The following TAFA2 variants were observed in gnomAD, a reference collection of about 807,000 sequenced individuals.
TAFA2 encodes chemokine-like protein TAFA-2.
Under a neutral mutation model 18.8 loss-of-function variants are expected in TAFA2, and 7 were observed. The ratio of observed to expected loss-of-function variants is 0.37; its 90% CI spans 0.21 to 0.70. The LOEUF (loss-of-function observed/expected upper bound fraction) is 0.70, where lower values mean the gene tolerates loss of function less well. Ranked by LOEUF, TAFA2 falls within the 30% of genes least tolerant of loss-of-function variation. The pLI, the probability that TAFA2 is intolerant of heterozygous loss-of-function variation, is 0.53. For missense variants in TAFA2, 122 were observed against 158.1 expected, an observed-to-expected ratio of 0.77 and a Z score of 1.23; for synonymous variants, 60 against 54.2, an observed-to-expected ratio of 1.11 and a Z score of -0.47.
chr12:62,204,308 A>T (rs1166673506), intron 1 of TAFA2, among the ~76,000 whole-genome samples: 1 of 151,932 alleles, frequency 6.6e-6, no homozygotes, highest in African/African-American at 2.4e-5. Context: ...TCTGATGATT[A>T]TGTGTCTTGG....
At chr12:61,983,402 G>A (rs139372200) in intron 1 of TAFA2, among the ~76,000 whole-genome samples, 1,644 of 151,772 alleles carry the variant, frequency 0.011, 32 homozygotes, top group African/African-American at 0.037. Context: ...GTTTTGTTTT[G>A]TTTTGTTTTG....
At chr12:61,767,037 A>T in intron 2 of TAFA2, among the ~76,000 whole-genome samples, 1 of 152,128 alleles carries the variant, frequency 6.6e-6, no homozygotes, top group East Asian at 1.9e-4. Context: ...TCTGTGGGAT[A>T]AAGTTGGTGA....
chr12:61,871,281 C>T (rs1321285761), intron 1 of TAFA2, among the ~76,000 whole-genome samples: 1 of 151,902 alleles, frequency 6.6e-6, no homozygotes, highest in African/African-American at 2.4e-5. Context: ...GAGAAAAACA[C>T]CTAAAGGAAA....
intron 1 of TAFA2, among the ~76,000 whole-genome samples, chr12:61,908,523 G>C (rs1252363920): frequency 1.3e-5 from 2 of 151,950 alleles, no homozygotes; most frequent in Non-Finnish European, 2.9e-5. Flanking sequence ...CCATCTCTCA[G>C]GTATGTCTTT....
At chr12:61,757,897 G>A (rs10877736) in intron 2 of TAFA2, among the ~76,000 whole-genome samples, 46,316 of 151,884 alleles carry the variant, frequency 0.3, 7,344 homozygotes, top group South Asian at 0.38. Flanking sequence ...CCGAGTACCT[G>A]GATTCGAATC....
intron 1 of TAFA2, chr12:61,879,555 G>A: frequency 1.4e-6 from 1 of 735,142 alleles, no homozygotes; most frequent in Non-Finnish European, 2.5e-6. Flanking sequence ...TTAACCTGGA[G>A]GTGGACCCCA....
intron 1 of TAFA2, among the ~76,000 whole-genome samples, chr12:62,098,420 C>T (rs150195808): frequency 0.017 from 2,551 of 152,224 alleles, 60 homozygotes; most frequent in African/African-American, 0.057. Flanking sequence ...AATTCCTAAG[C>T]TTGGGCTGCA....
At chr12:62,101,016 C>T (rs1208885891) in intron 1 of TAFA2, among the ~76,000 whole-genome samples, 2 of 152,160 alleles carry the variant, frequency 1.3e-5, no homozygotes, top group Non-Finnish European at 2.9e-5. Flanking sequence ...TACCTTAAAA[C>T]ATACCCATAC....
At chr12:61,892,697 G>A (rs1291456352) in intron 1 of TAFA2, among the ~76,000 whole-genome samples, 5 of 152,068 alleles carry the variant, frequency 3.3e-5, no homozygotes. Context: ...GTATTACCTG[G>A]GTATGGTGGC....
intron 1 of TAFA2, among the ~76,000 whole-genome samples, chr12:62,086,216 G>T (rs1031604556): frequency 1.3e-5 from 2 of 150,846 alleles, no homozygotes; most frequent in Admixed American, 6.6e-5. Context: ...ACAGGAAAAA[G>T]CATCATGACA....
chr12:62,046,899 TA>T (rs1382207897), intron 1 of TAFA2, among the ~76,000 whole-genome samples: 2 of 152,108 alleles, frequency 1.3e-5, no homozygotes, highest in Non-Finnish European at 2.9e-5. Flanking sequence ...TTTTTATTAT[TA>T]TTTTTTATCT....
chr12:61,711,945 G>T (rs1425818211), intron 4 of TAFA2, among the ~76,000 whole-genome samples: 3 of 152,058 alleles, frequency 2.0e-5, no homozygotes, highest in Non-Finnish European at 4.4e-5. Context: ...CCATTCAGGA[G>T]TCATCATATA....
At chr12:62,223,133 G>C (rs971422212) in intron 1 of TAFA2, among the ~76,000 whole-genome samples, 1 of 152,108 alleles carries the variant, frequency 6.6e-6, no homozygotes, top group African/African-American at 2.4e-5. Flanking sequence ...TAGGCAAGCT[G>C]ATTCTAAGTT....
intron 1 of TAFA2, among the ~76,000 whole-genome samples, chr12:61,944,930 AG>A (rs1878202104): frequency 7.2e-6 from 1 of 139,710 alleles, no homozygotes; most frequent in Non-Finnish European, 1.5e-5. Flanking sequence ...ATAGAAAAAG[AG>A]GGAATCCTCC....
intron 2 of TAFA2, among the ~76,000 whole-genome samples, chr12:61,781,498 T>G (rs1340674467): frequency 6.6e-6 from 1 of 151,816 alleles, no homozygotes; most frequent in African/African-American, 2.4e-5. Context: ...ATCACCGTAC[T>G]TGAAATCTGA....
At chr12:62,133,197 A>T (rs995766205) in intron 1 of TAFA2, among the ~76,000 whole-genome samples, 5 of 151,958 alleles carry the variant, frequency 3.3e-5, no homozygotes, top group Admixed American at 6.6e-5. Flanking sequence ...CACATTCCCA[A>T]ATGTTGGTAT....
chr12:62,135,722 C>T (rs1022143368), intron 1 of TAFA2: 1 of 151,822 alleles, frequency 6.6e-6, no homozygotes, highest in African/African-American at 2.4e-5. Context: ...ATCATCAGCT[C>T]AATTAAGTTA....
intron 1 of TAFA2, among the ~76,000 whole-genome samples, chr12:62,105,183 C>T (rs1869393183): frequency 6.6e-6 from 1 of 152,016 alleles, no homozygotes; most frequent in African/African-American, 2.4e-5. Flanking sequence ...TATGTGACTG[C>T]TCCGAGTCCC....
At chr12:62,054,957 A>G (rs887729627) in intron 1 of TAFA2, among the ~76,000 whole-genome samples, 6 of 152,220 alleles carry the variant, frequency 3.9e-5, no homozygotes, top group African/African-American at 1.4e-4. Flanking sequence ...GTTTTTCTAG[A>G]TCACTATTGC....
Sources: allele counts gnomAD v4.1 joint callset (sites outside exome capture counted in the v4.1 genomes callset), GRCh38; gene constraint gnomAD v4.1.1; transcripts MANE v1.5; gene names NCBI Gene and HGNC (gene_info 2026-07-23, HGNC 2026-07-21).